The following XPO1 variants were observed in gnomAD, a reference collection of about 807,000 sequenced individuals.
The protein encoded by XPO1 is exportin 1, also known as exportin-1.
XPO1 carries 5 observed loss-of-function variants against 133.3 expected under a neutral mutation model. The ratio of observed to expected loss-of-function variants is 0.04; its 90% CI spans 0.02 to 0.08. The LOEUF (loss-of-function observed/expected upper bound fraction) is 0.08. XPO1 is among the 10% of genes least tolerant of loss of function. XPO1 has a pLI of 1.00. For missense variants in XPO1, 506 were observed against 1,267.5 expected (o/e 0.40, Z 9.12); for synonymous variants, 419 against 408.2 (o/e 1.03, Z -0.32).
chr2:61,491,118 G>A (rs779106952), intron 16 of XPO1, among the ~76,000 whole-genome samples: 3 of 150,900 alleles, frequency 2.0e-5, no homozygotes, highest in African/African-American at 4.9e-5. Context: ...TACTGCACTC[G>A]AGCCTGGGTG....
At chr2:61,502,425 T>TA in intron 4 of XPO1, 115 bp from the exon 5 acceptor site, 1 of 1,020,510 alleles carries the variant, frequency 9.8e-7, no homozygotes, top group Non-Finnish European at 1.4e-6. Flanking sequence ...TCAGTTAATA[T>TA]ACTCTAATCC....
chr2:61,480,679 CTA>C (rs1448246715), intron 24 of XPO1: 1 of 151,628 alleles, frequency 6.6e-6, no homozygotes, highest in African/African-American at 2.4e-5. Context: ...AGCTAAGAGA[CTA>C]ATTCTTATTC....
At chr2:61,525,724 T>A in intron 3 of XPO1, 3 of 1,027,702 alleles carry the variant, frequency 2.9e-6, no homozygotes, top group Non-Finnish European at 3.5e-6. Context: ...CAAAACTAAT[T>A]AATATTTTAA....
chr2:61,497,082 G>A, intron 9 of XPO1, 75 bp from the exon 10 acceptor site: 6 of 1,514,924 alleles, frequency 4.0e-6, no homozygotes, highest in Middle Eastern at 1.8e-4. Context: ...ACAATTAAAA[G>A]GAAAAAGGCT....
At chr2:61,522,375 T>C (rs1378987443) in intron 4 of XPO1, among the ~76,000 whole-genome samples, 1 of 152,154 alleles carries the variant, frequency 6.6e-6, no homozygotes, top group Non-Finnish European at 1.5e-5. Flanking sequence ...TTAACTAGAA[T>C]ATTTATTGTC....
At chr2:61,481,346 G>T in intron 23 of XPO1, 65 bp from the exon 24 acceptor site, 1 of 1,285,162 alleles carries the variant, frequency 7.8e-7, no homozygotes, top group Non-Finnish European at 1.1e-6. Flanking sequence ...GTATTGCTCT[G>T]TCACCAGGCT....
rs940080585 is a variant in XPO1 at position 61,538,231 on chromosome 2, C to G, written c.-676G>C. 3 of 170,708 alleles carry G rather than the reference C, an allele frequency of 1.8e-5. No homozygotes were observed. Among genetic ancestry groups the G allele is most frequent in the African/African-American group, 7.2e-5 (3 of 41,866 alleles). 10.6% of individuals were successfully genotyped at this position (170,708 alleles called of 1,614,324 possible). A position where few individuals can be genotyped will look rare whatever the true frequency, so the allele number is the denominator to read the frequency against. On this transcript the variant is annotated 5_prime_UTR_variant, in exon 1 of 25. Coordinates refer to ENST00000401558, the MANE Select transcript of XPO1 (RefSeq NM_003400.4). Reference sequence around the variant, plus strand: ...TAGCTCCCGCTGCTCCTGCCGCGGCCGCTGCAGCCGCTTCTCCCCCTCCTC... The same window carrying G: ...TAGCTCCCGCTGCTCCTGCCGCGGCGGCTGCAGCCGCTTCTCCCCCTCCTC...
intron 19 of XPO1, 44 bp from the exon 20 acceptor site, chr2:61,486,006 T>C (rs772713236): frequency 5.3e-6 from 8 of 1,518,434 alleles, no homozygotes; most frequent in Non-Finnish European, 7.2e-6. Context: ...TTTAGGTACA[T>C]GGTGACTATT....
At chr2:61,525,628 A>G in intron 3 of XPO1, 1 of 1,021,768 alleles carries the variant, frequency 9.8e-7, no homozygotes, top group East Asian at 6.5e-5. Context: ...CCAGGCAAGC[A>G]AACAGGCAAA....
At chr2:61,480,829 C>T (rs1696312685) in intron 24 of XPO1, among the ~76,000 whole-genome samples, 1 of 152,066 alleles carries the variant, frequency 6.6e-6, no homozygotes, top group Non-Finnish European at 1.5e-5. Context: ...GAAAGACATT[C>T]TATCTAGTAA....
chr2:61,529,253 G>T, intron 2 of XPO1, among the ~76,000 whole-genome samples: 1 of 152,160 alleles, frequency 6.6e-6, no homozygotes, highest in East Asian at 1.9e-4. Context: ...TAATTCTATG[G>T]TTATAAACAA....
chr2:61,513,902 C>A (rs759657411), intron 4 of XPO1, among the ~76,000 whole-genome samples: 1 of 151,998 alleles, frequency 6.6e-6, no homozygotes, highest in Non-Finnish European at 1.5e-5. Flanking sequence ...GCAAAATTGG[C>A]GGGGCATGGT....
chr2:61,520,004 C>T (rs138851662), intron 4 of XPO1, among the ~76,000 whole-genome samples: 2,013 of 152,142 alleles, frequency 0.013, 20 homozygotes, highest in Non-Finnish European at 0.021. Flanking sequence ...GTTTTGTCTT[C>T]CCAACTATAA....
intron 4 of XPO1, among the ~76,000 whole-genome samples, chr2:61,515,558 A>G (rs1160643232): frequency 1.3e-5 from 2 of 152,222 alleles, no homozygotes; most frequent in Non-Finnish European, 2.9e-5. Flanking sequence ...CATACTCAGC[A>G]TATGTAAGCA....
chr2:61,486,741 G>A (rs1236629732), intron 19 of XPO1, among the ~76,000 whole-genome samples: 1 of 152,070 alleles, frequency 6.6e-6, no homozygotes, highest in Non-Finnish European at 1.5e-5. Flanking sequence ...AATGCTAACT[G>A]GTGAGTATTT....
intron 3 of XPO1, chr2:61,525,748 C>A (rs982633459): frequency 2.9e-6 from 3 of 1,029,336 alleles, no homozygotes; most frequent in Non-Finnish European, 3.5e-6. Flanking sequence ...TGTTAATTAA[C>A]AAAGTCTGGT....
In XPO1 at chr2:61,501,931, G is replaced by A. The variant is rs1355737283; in HGVS notation, c.408+65C>T. 2.9e-6 allele frequency: 4 copies of A among 1,364,878 alleles called. No individual in the cohort carries two copies. The East Asian group carries it at 7.0e-5, about 24-fold the overall frequency. 84.5% of individuals were successfully genotyped at this position (1,364,878 alleles called of 1,614,324 possible). A position where few individuals can be genotyped will look rare whatever the true frequency, so the allele number is the denominator to read the frequency against. ...TTAGTATACTTTATTTCCTAAGTAG[G>A]TCGAACATTTTGTTCAAATAATAAG... is the stretch of plus-strand genomic sequence containing the variant. On this transcript the variant is annotated intron_variant, in intron 6 of 24. Coordinates refer to ENST00000401558, the MANE Select transcript of XPO1 (RefSeq NM_003400.4).
At chr2:61,500,940 A>G (rs1049480510) in intron 6 of XPO1, among the ~76,000 whole-genome samples, 2 of 152,202 alleles carry the variant, frequency 1.3e-5, no homozygotes, top group African/African-American at 4.8e-5. Context: ...ATGAATTTAA[A>G]AGAGAGGACG....
chr2:61,521,090 G>C (rs1698668721), intron 4 of XPO1, among the ~76,000 whole-genome samples: 1 of 152,154 alleles, frequency 6.6e-6, no homozygotes, highest in Non-Finnish European at 1.5e-5. Flanking sequence ...TTAAAGAAAT[G>C]AGAACCTCTT....
Sources: allele counts gnomAD v4.1 joint callset (sites outside exome capture counted in the v4.1 genomes callset), GRCh38; gene constraint gnomAD v4.1.1; transcripts MANE v1.5; gene names NCBI Gene and HGNC (gene_info 2026-07-23, HGNC 2026-07-21).